The following SLC25A48 variants were observed in gnomAD, a reference collection of about 807,000 sequenced individuals.
SLC25A48 encodes the protein CTC-321K16.1.
Under a neutral mutation model 32.2 loss-of-function variants are expected in SLC25A48, and 29 were observed. The ratio of observed to expected loss-of-function variants is 0.90; its 90% confidence interval spans 0.67 to 1.23. The LOEUF (loss-of-function observed/expected upper bound fraction) is 1.23, where lower values mean the gene tolerates loss of function less well. Ranked by LOEUF, SLC25A48 falls within the 50% of genes most tolerant of loss-of-function variation. The probability of loss-of-function intolerance (pLI) is 0.00; values close to 1 mark genes in which losing one functional copy is unlikely to be tolerated. For synonymous variants in SLC25A48, 164 were observed against 172.3 expected (o/e 0.95, Z 0.38); for missense variants, 399 against 422.7 (o/e 0.94, Z 0.49).
rs1213833093 is a variant in SLC25A48, at chr5:135,646,674, T to TAC, written c.-521+11719_-521+11720insCA. 3.8e-3 allele frequency among the ~76,000 whole-genome samples: 546 copies of TAC among 145,424 alleles called. 15 individuals carry two copies. The highest frequency in any genetic ancestry group is 0.013 in the African/African-American group (515 of 38,618). ...TAATTTCCCATTATATATATATATA[T>TAC]ATATACAATGGGAAGGACATAATGC... On this transcript the variant is annotated intron_variant, in intron 3 of 10. Transcript: ENST00000646290.
chr5:135,620,591 A>C (rs1488058270), intron 1 of SLC25A48, among the ~76,000 whole-genome samples: 1 of 152,104 alleles, frequency 6.6e-6, no homozygotes, highest in Non-Finnish European at 1.5e-5. Flanking sequence ...CAGGCAGGGG[A>C]ATTTGTCCTT....
intron 2 of SLC25A48, among the ~76,000 whole-genome samples, chr5:135,847,050 T>C (rs1458417664): frequency 6.6e-6 from 1 of 152,204 alleles, no homozygotes; most frequent in Non-Finnish European, 1.5e-5. Flanking sequence ...TGATTCTACA[T>C]AACCAGGAGA....
intron 4 of SLC25A48, among the ~76,000 whole-genome samples, chr5:135,866,175 C>A (rs1452592919): frequency 6.6e-6 from 1 of 152,176 alleles, no homozygotes; most frequent in African/African-American, 2.4e-5. Flanking sequence ...AGAAATTATG[C>A]TGTGTTCCCT....
At chr5:135,871,945 A>G in intron 5 of SLC25A48, 3 of 1,457,964 alleles carry the variant, frequency 2.1e-6, no homozygotes, top group Non-Finnish European at 2.7e-6. Flanking sequence ...ACTTTCAGGC[A>G]ACAGATATAT....
intron 4 of SLC25A48, among the ~76,000 whole-genome samples, chr5:135,857,666 G>A (rs1028107736): frequency 6.6e-5 from 10 of 152,200 alleles, no homozygotes; most frequent in African/African-American, 2.2e-4. Flanking sequence ...GGAACTGGGT[G>A]CCTACAAACC....
intron 7 of SLC25A48, among the ~76,000 whole-genome samples, chr5:135,882,755 A>C (rs1235037118): frequency 1.3e-5 from 2 of 152,112 alleles, no homozygotes; most frequent in Non-Finnish European, 2.9e-5. Flanking sequence ...CCTGTCCAAG[A>C]CCAGCCCCCA....
At chr5:135,590,604 G>A (rs1370397903) in intron 1 of SLC25A48, among the ~76,000 whole-genome samples, 1 of 152,216 alleles carries the variant, frequency 6.6e-6, no homozygotes, top group Non-Finnish European at 1.5e-5. Context: ...TGGGGGCTGA[G>A]CTAGTGGAGG....
intron 3 of SLC25A48, among the ~76,000 whole-genome samples, chr5:135,735,638 G>A (rs759079328): frequency 8.5e-5 from 13 of 152,134 alleles, no homozygotes; most frequent in East Asian, 1.9e-4. Flanking sequence ...GGATCCTCTC[G>A]GGGAACTGCG....
At chr5:135,688,126 G>A (rs1385393203) in intron 3 of SLC25A48, among the ~76,000 whole-genome samples, 1 of 112,616 alleles carries the variant, frequency 8.9e-6, no homozygotes, top group African/African-American at 3.3e-5. Flanking sequence ...CAATCATACC[G>A]TATTTGTCTT....
chr5:135,627,146 G>A (rs1021594439), intron 1 of SLC25A48, among the ~76,000 whole-genome samples: 1 of 152,156 alleles, frequency 6.6e-6, no homozygotes, highest in Non-Finnish European at 1.5e-5. Context: ...TCCATGTCAG[G>A]CCCTGCTCTC....
chr5:135,679,050 G>A (rs1753832804), intron 3 of SLC25A48, among the ~76,000 whole-genome samples: 1 of 152,168 alleles, frequency 6.6e-6, no homozygotes, highest in Admixed American at 6.5e-5. Context: ...TAGCAGTAGT[G>A]GGCTGGGTAG....
At chr5:135,827,157 T>A (rs1167962059) in intron 4 of SLC25A48, 1 of 152,250 alleles carries the variant, frequency 6.6e-6, no homozygotes, top group Admixed American at 6.5e-5. Context: ...TGATTCCTGT[T>A]TGAAAATCCT....
intron 3 of SLC25A48, among the ~76,000 whole-genome samples, chr5:135,750,986 G>GCTCTCAGC (rs1755758188): frequency 6.6e-6 from 1 of 152,170 alleles, no homozygotes; most frequent in African/African-American, 2.4e-5. Context: ...CCACCTCAGT[G>GCTCTCAGC]CTCTCAGCCA....
intron 3 of SLC25A48, among the ~76,000 whole-genome samples, chr5:135,759,856 G>A (rs1046024827): frequency 1.1e-4 from 15 of 142,002 alleles, no homozygotes; most frequent in Non-Finnish European, 1.8e-4. Flanking sequence ...TTGAGACAGA[G>A]TCTCACTCTG....
intron 1 of SLC25A48, among the ~76,000 whole-genome samples, chr5:135,599,653 G>C (rs1338214120): frequency 6.6e-6 from 1 of 152,198 alleles, no homozygotes; most frequent in Admixed American, 6.6e-5. Context: ...TGTTTCTTCC[G>C]CATGCACTCC....
chr5:135,719,961 G>T (rs970691922), intron 3 of SLC25A48, among the ~76,000 whole-genome samples: 1 of 152,226 alleles, frequency 6.6e-6, no homozygotes, highest in African/African-American at 2.4e-5. Context: ...ACCCAGCAAG[G>T]CTTTCTTTGA....
At chr5:135,701,438 AT>A (rs1446233738) in intron 3 of SLC25A48, among the ~76,000 whole-genome samples, 1 of 152,162 alleles carries the variant, frequency 6.6e-6, no homozygotes. Flanking sequence ...CTGGTGACAT[AT>A]TGGGAGCAGT....
At chr5:135,616,497 C>G (rs576932319) in intron 1 of SLC25A48, among the ~76,000 whole-genome samples, 5 of 152,332 alleles carry the variant, frequency 3.3e-5, no homozygotes, top group Non-Finnish European at 5.9e-5. Context: ...TTCAAACTTG[C>G]ATGTTTCAAA....
rs115042517 is a variant in SLC25A48, at chr5:135,713,949, C to T, written c.-521+78993C>T. Among the ~76,000 whole-genome samples the T allele has an allele frequency of 5.3e-3, 806 of 152,302 alleles. 8 individuals are homozygous for T. The highest frequency in any genetic ancestry group is 0.018 in the African/African-American group (755 of 41,580). The stretch of plus-strand genomic sequence containing the variant: ...CTGTTCCAGGAGATGGAAACACTTG[C>T]TTCTCATCCCCTGCGAGTGAAAGGA... On this transcript the variant is annotated intron_variant, in intron 3 of 10. Transcript: ENST00000646290.
Sources: allele counts gnomAD v4.1 joint callset (sites outside exome capture counted in the v4.1 genomes callset), GRCh38; gene constraint gnomAD v4.1.1; transcripts MANE v1.5; gene names NCBI Gene and HGNC (gene_info 2026-07-23, HGNC 2026-07-21).